Variants in RIMS2 observed in about 807,000 individuals in gnomAD.
RIMS2 encodes regulating synaptic membrane exocytosis 2.
RIMS2 carries 59 observed loss-of-function variants against 174.4 expected under a neutral mutation model. That is an observed-to-expected ratio of 0.34 (90% CI 0.27 to 0.42). RIMS2 has a LOEUF of 0.42. RIMS2 is among the 10% of genes least tolerant of loss of function. The pLI is 1.00. For missense variants in RIMS2, 1,620 were observed against 1,666.3 expected (o/e 0.97, Z 0.48); for synonymous variants, 606 against 572.5 (o/e 1.06, Z -0.84).
chr8:104,072,225 A>G (rs1360235097), intron 19 of RIMS2, among the ~76,000 whole-genome samples: 2 of 152,204 alleles, frequency 1.3e-5, no homozygotes, highest in African/African-American at 4.8e-5. Flanking sequence ...CTTCAGACAT[A>G]TATATATTAA....
intron 10 of RIMS2, among the ~76,000 whole-genome samples, chr8:103,926,034 A>G (rs1238038674): frequency 6.6e-6 from 1 of 151,552 alleles, no homozygotes; most frequent in Non-Finnish European, 1.5e-5. Flanking sequence ...TGATTTCAGA[A>G]GTCTGTGAGA....
At chr8:103,559,181 C>A in intron 1 of RIMS2, 1 of 192,592 alleles carries the variant, frequency 5.2e-6, no homozygotes. Flanking sequence ...CATCCTGTTC[C>A]TCACCATTAT....
chr8:104,239,508 A>G (rs898970437), intron 19 of RIMS2, among the ~76,000 whole-genome samples: 2 of 151,890 alleles, frequency 1.3e-5, no homozygotes, highest in Non-Finnish European at 2.9e-5. Context: ...TGATGTCTCA[A>G]TACACACACA....
At chr8:103,696,862 CAAAAAAAAAAA>C (rs55852238) in intron 1 of RIMS2, among the ~76,000 whole-genome samples, 1 of 53,742 alleles carries the variant, frequency 1.9e-5, no homozygotes, top group African/African-American at 7.6e-5. Flanking sequence ...GACTTCGTCT[CAAAAAAAAAAA>C]AAAAAAAAAA....
intron 19 of RIMS2, among the ~76,000 whole-genome samples, chr8:104,117,692 T>A (rs1462706390): frequency 1.3e-5 from 2 of 152,196 alleles, no homozygotes; most frequent in African/African-American, 4.8e-5. Context: ...GGCAAAATAA[T>A]CTTTACATTT....
intron 16 of RIMS2, chr8:103,976,292 A>G (rs1030755329): frequency 1.3e-5 from 2 of 152,240 alleles, no homozygotes; most frequent in African/African-American, 4.8e-5. Context: ...AACGAGAGTA[A>G]AATGAAACAT....
chr8:103,696,364 T>C (rs894877173), intron 1 of RIMS2, among the ~76,000 whole-genome samples: 5 of 152,180 alleles, frequency 3.3e-5, no homozygotes, highest in African/African-American at 9.7e-5. Flanking sequence ...TGTGTCTCAG[T>C]GATTTGAAGT....
intron 19 of RIMS2, among the ~76,000 whole-genome samples, chr8:104,049,258 T>A (rs914732700): frequency 1.1e-4 from 16 of 151,594 alleles, no homozygotes; most frequent in Non-Finnish European, 2.2e-4. Flanking sequence ...CCATCTCTAC[T>A]AAAAATACAA....
intron 1 of RIMS2, among the ~76,000 whole-genome samples, chr8:103,609,733 T>C (rs1271720345): frequency 6.6e-6 from 1 of 152,206 alleles, no homozygotes; most frequent in Non-Finnish European, 1.5e-5. Context: ...TTGATTATGG[T>C]AGCCTTGTAT....
intron 16 of RIMS2, among the ~76,000 whole-genome samples, chr8:103,979,998 G>A (rs774280633): frequency 6.6e-5 from 10 of 152,170 alleles, no homozygotes; most frequent in Non-Finnish European, 8.8e-5. Context: ...TAGGTAAACT[G>A]GAAAGGACAC....
At chr8:104,251,463 T>A in intron 23 of RIMS2, 139 bp from the exon 30 acceptor site, 1 of 634,014 alleles carries the variant, frequency 1.6e-6, no homozygotes, top group South Asian at 2.0e-5. Flanking sequence ...TAAAGACAAC[T>A]ATTCTATTAT....
At chr8:103,835,325 A>T (rs2098873597) in intron 3 of RIMS2, among the ~76,000 whole-genome samples, 1 of 138,870 alleles carries the variant, frequency 7.2e-6, no homozygotes, top group Admixed American at 7.3e-5. Context: ...CTTGTCTTGA[A>T]CTCCTGACCT....
intron 19 of RIMS2, among the ~76,000 whole-genome samples, chr8:104,203,494 CTTTTTTTTTTTTT>C (rs10545100): frequency 2.7e-5 from 2 of 72,762 alleles, no homozygotes; most frequent in Non-Finnish European, 4.6e-5. Context: ...AGACACTGTA[CTTTTTTTTTTTTT>C]TTTTTTTTTT....
intron 3 of RIMS2, among the ~76,000 whole-genome samples, chr8:103,820,964 T>C (rs1045573699): frequency 2.0e-5 from 3 of 151,474 alleles, no homozygotes; most frequent in Admixed American, 6.6e-5. Context: ...AAAATTTCCA[T>C]GACCTGAAGC....
intron 19 of RIMS2, among the ~76,000 whole-genome samples, chr8:104,134,529 G>T (rs78502135): frequency 0.02 from 3,008 of 152,266 alleles, 141 homozygotes; most frequent in East Asian, 0.15. Context: ...GAATCCAACA[G>T]GTTTGGCACC....
At chr8:103,505,899 T>A (rs150246836) in intron 1 of RIMS2, among the ~76,000 whole-genome samples, 2 of 152,302 alleles carry the variant, frequency 1.3e-5, no homozygotes, top group East Asian at 3.9e-4. Context: ...TAATTTTTAG[T>A]GATTTGTGGA....
At chr8:103,977,779 C>A (rs1335228714) in intron 16 of RIMS2, among the ~76,000 whole-genome samples, 1 of 152,174 alleles carries the variant, frequency 6.6e-6, no homozygotes, top group Non-Finnish European at 1.5e-5. Context: ...TTTGCTTGGA[C>A]AGCTCACAGA....
intron 19 of RIMS2, chr8:104,094,739 G>T: frequency 1.5e-6 from 1 of 658,852 alleles, no homozygotes; most frequent in African/African-American, 1.8e-5. Flanking sequence ...GGTAAAATAT[G>T]TTATTTGTAG....
At chr8:103,843,355 C>T (rs2098951225) in intron 3 of RIMS2, among the ~76,000 whole-genome samples, 1 of 152,136 alleles carries the variant, frequency 6.6e-6, no homozygotes, top group South Asian at 2.1e-4. Context: ...CAAGCAATCC[C>T]CCTGCCTCAG....
Sources: gnomAD v4.1 joint callset for allele counts (sites outside exome capture counted in the v4.1 genomes callset) on GRCh38, gnomAD v4.1.1 for gene constraint, MANE v1.5 for transcripts, NCBI Gene and HGNC (gene_info 2026-07-23, HGNC 2026-07-21) for gene names.